Variants in SH3GL2 observed in about 807,000 individuals in gnomAD.
The protein encoded by SH3GL2 is endophilin-A1.
A neutral mutation model predicts 46.0 loss-of-function variants in SH3GL2; 24 were observed. The observed-to-expected ratio is 0.52, with a 90% CI of 0.38 to 0.73. SH3GL2 has a LOEUF of 0.73. SH3GL2 is among the 30% of genes least tolerant of loss of function. SH3GL2 has a pLI of 0.00. For synonymous variants in SH3GL2, 196 were observed against 147.1 expected (o/e 1.33, Z -2.40); for missense variants, 413 against 424.2 (o/e 0.97, Z 0.23).
chr9:17,734,899 T>C (rs951409395), intron 1 of SH3GL2, among the ~76,000 whole-genome samples: 11 of 152,162 alleles, frequency 7.2e-5, no homozygotes, highest in Admixed American at 2.6e-4. Flanking sequence ...TACATAACTC[T>C]GTAAATACAC....
chr9:17,753,850 T>C (rs1822915918), intron 2 of SH3GL2, among the ~76,000 whole-genome samples: 1 of 152,198 alleles, frequency 6.6e-6, no homozygotes, highest in African/African-American at 2.4e-5. Flanking sequence ...GAGTTAATTT[T>C]TGTATATGGT....
At chr9:17,746,270 G>T (rs879783518) in intron 1 of SH3GL2, among the ~76,000 whole-genome samples, 7 of 152,034 alleles carry the variant, frequency 4.6e-5, no homozygotes, top group Non-Finnish European at 1.0e-4. Flanking sequence ...TAGAGACGGG[G>T]TTTCACCGTG....
chr9:17,761,326 C>T (rs940588594), intron 2 of SH3GL2, 111 bp from the exon 3 acceptor site: 1 of 721,698 alleles, frequency 1.4e-6, no homozygotes, highest in Non-Finnish European at 2.5e-6. Context: ...TACTGCGGGA[C>T]TTGTCCGGGG....
chr9:17,683,532 G>T (rs1820828110), intron 1 of SH3GL2, among the ~76,000 whole-genome samples: 1 of 152,030 alleles, frequency 6.6e-6, no homozygotes, highest in Non-Finnish European at 1.5e-5. Flanking sequence ...TATCCACTGG[G>T]ACTATTAGAG....
Position 17,791,350 on chromosome 9 carries a change from C to A in SH3GL2, c.728+16C>A. 1.4e-6 allele frequency: 2 copies of A among 1,474,572 alleles called. No individual in the cohort carries two copies. The highest frequency in any genetic ancestry group is 1.9e-6 in the Non-Finnish European group (2 of 1,053,068). The allele number at this position is 1,474,572 out of a possible 1,614,324, so 91.3% of individuals were successfully genotyped here. Reference sequence around the variant, plus strand: ...TGGAAGAAAGGTATTCTACAGTTCCCTGCATTTCACATTTGCATTTTATTG... The same window carrying A: ...TGGAAGAAAGGTATTCTACAGTTCCATGCATTTCACATTTGCATTTTATTG... On this transcript the variant is annotated intron_variant, in intron 7 of 8. Coordinates refer to ENST00000380607, the MANE Select transcript of SH3GL2 (RefSeq NM_003026.5).
chr9:17,636,674 A>C (rs997078728), intron 1 of SH3GL2, among the ~76,000 whole-genome samples: 1 of 152,218 alleles, frequency 6.6e-6, no homozygotes, highest in Non-Finnish European at 1.5e-5. Context: ...TCACCCTTAT[A>C]TCAACTGGAA....
chr9:17,762,935 T>C (rs997823248), intron 3 of SH3GL2, among the ~76,000 whole-genome samples: 3 of 152,294 alleles, frequency 2.0e-5, no homozygotes, highest in Admixed American at 2.0e-4. Flanking sequence ...AGTTTTGGTC[T>C]TTATCTTTGC....
At chr9:17,707,908 G>A (rs752838144) in intron 1 of SH3GL2, among the ~76,000 whole-genome samples, 1 of 152,084 alleles carries the variant, frequency 6.6e-6, no homozygotes, top group East Asian at 1.9e-4. Context: ...TACTCTTCAC[G>A]TGTCTCCCAA....
Position 17,579,233 on chromosome 9 carries a change from C to T in SH3GL2, c.-10C>T, listed in dbSNP as rs768634353. ...CCCGCACAGCAGCCGCCAGCGCGGC[C>T]TCCTGCACCATGTCGGTGGCCGGCC... On this transcript the variant is annotated 5_prime_UTR_variant, in exon 1 of 9. Coordinates refer to ENST00000380607, the MANE Select transcript of SH3GL2 (RefSeq NM_003026.5). The T allele has an allele frequency of 6.4e-7, 1 of 1,556,806 alleles. No individual in the cohort carries two copies. Among genetic ancestry groups the T allele is most frequent in the South Asian group, 1.2e-5 (1 of 85,300 alleles).
At chr9:17,638,422 T>A (rs1044979981) in intron 1 of SH3GL2, among the ~76,000 whole-genome samples, 9 of 152,196 alleles carry the variant, frequency 5.9e-5, no homozygotes, top group African/African-American at 1.7e-4. Flanking sequence ...GTATCTTACT[T>A]ACAGTAGAGA....
intron 2 of SH3GL2, among the ~76,000 whole-genome samples, chr9:17,751,184 G>A (rs1822832765): frequency 6.6e-6 from 1 of 152,182 alleles, no homozygotes; most frequent in East Asian, 1.9e-4. Context: ...TTTTTAAGGA[G>A]CAACTTTGAG....
At chr9:17,605,717 A>G (rs1818749117) in intron 1 of SH3GL2, among the ~76,000 whole-genome samples, 1 of 152,210 alleles carries the variant, frequency 6.6e-6, no homozygotes, top group South Asian at 2.1e-4. Context: ...TTTGTGAAAA[A>G]TACATAATAA....
At chr9:17,690,112 C>G (rs1821035259) in intron 1 of SH3GL2, among the ~76,000 whole-genome samples, 1 of 152,102 alleles carries the variant, frequency 6.6e-6, no homozygotes, top group Non-Finnish European at 1.5e-5. Flanking sequence ...CTGTATGAGA[C>G]TTTGTTTCCC....
chr9:17,746,170 T>G (rs5014596), intron 1 of SH3GL2, among the ~76,000 whole-genome samples: 130,800 of 149,498 alleles, frequency 0.87, 56,864 homozygotes, highest in East Asian at 0.99. Context: ...CGCCCCGCTG[T>G]GTTCACACCA....
Position 17,701,429 on chromosome 9 carries a change from G to A in SH3GL2, c.46-45637G>A, listed in dbSNP as rs142602069. Reference sequence around the variant, plus strand: ...CAGGTAGTGGGTGAGGGTAGGACTTGAGTATATCGTGTATCATTTGGGGCC... The same window carrying A: ...CAGGTAGTGGGTGAGGGTAGGACTTAAGTATATCGTGTATCATTTGGGGCC... On this transcript the variant is annotated intron_variant, in intron 1 of 8. Transcript: ENST00000380607. Among the ~76,000 whole-genome samples, 140 of 152,214 alleles carry A rather than the reference G, an allele frequency of 9.2e-4. 1 individual carries two copies. Among genetic ancestry groups the A allele is most frequent in the Non-Finnish European group, 6.5e-4 (44 of 68,016 alleles).
At chr9:17,667,635 T>C (rs532970132) in intron 1 of SH3GL2, among the ~76,000 whole-genome samples, 1 of 152,334 alleles carries the variant, frequency 6.6e-6, no homozygotes, top group South Asian at 2.1e-4. Flanking sequence ...GTGTGCACGT[T>C]TTTGTGGGAC....
intron 1 of SH3GL2, among the ~76,000 whole-genome samples, chr9:17,715,198 T>C (rs1821719923): frequency 6.6e-6 from 1 of 151,190 alleles, no homozygotes; most frequent in African/African-American, 2.4e-5. Flanking sequence ...TCTTTTCTTT[T>C]TTTTTTTTTT....
At chr9:17,746,883 T>C (rs1200187656) in intron 1 of SH3GL2, among the ~76,000 whole-genome samples, 183 bp from the exon 2 acceptor site, 1 of 152,210 alleles carries the variant, frequency 6.6e-6, no homozygotes, top group African/African-American at 2.4e-5. Flanking sequence ...ATGCATAGCC[T>C]TTAGTAAGTT....
intron 1 of SH3GL2, among the ~76,000 whole-genome samples, chr9:17,649,320 G>A (rs1819898736): frequency 2.0e-5 from 3 of 152,154 alleles, no homozygotes; most frequent in South Asian, 4.1e-4. Flanking sequence ...ACCTGCCTTG[G>A]CCTCCCAAAG....
Sources: gnomAD v4.1 joint callset for allele counts (sites outside exome capture counted in the v4.1 genomes callset) on GRCh38, gnomAD v4.1.1 for gene constraint, MANE v1.5 for transcripts, NCBI Gene and HGNC (gene_info 2026-07-23, HGNC 2026-07-21) for gene names.